The following HS6ST2 variants were observed in gnomAD, a reference collection of about 807,000 sequenced individuals.
HS6ST2 encodes the protein heparan-sulfate 6-O-sulfotransferase 2.
In HS6ST2, 17 loss-of-function variants were observed where a neutral mutation model predicts 33.0. That is an observed-to-expected ratio of 0.52 (90% confidence interval 0.35 to 0.77). HS6ST2 has a LOEUF of 0.77. Among genes scored for constraint, HS6ST2 ranks in the 30% least tolerant of loss-of-function variants. The probability of loss-of-function intolerance (pLI) is 0.01; values close to 1 mark genes in which losing one functional copy is unlikely to be tolerated. For synonymous variants in HS6ST2, 248 were observed against 237.1 expected (o/e 1.05, Z -0.42); for missense variants, 519 against 551.7 (o/e 0.94, Z 0.59).
At chrX:132,883,129 G>A (rs1304937482) in intron 2 of HS6ST2, among the ~76,000 whole-genome samples, 24 of 111,212 alleles carry the variant, frequency 2.2e-4, no homozygotes, top group African/African-American at 7.2e-4. Context: ...GTATCAGGAT[G>A]ATGTTGGCCT....
intron 2 of HS6ST2, among the ~76,000 whole-genome samples, chrX:132,897,971 C>T (rs1194407734): frequency 1.8e-5 from 2 of 111,555 alleles, no homozygotes; most frequent in Non-Finnish European, 1.9e-5. Flanking sequence ...TTGTTAGGAA[C>T]CAGGCTGCAC....
chrX:132,935,848 C>A (rs927882620), intron 2 of HS6ST2, among the ~76,000 whole-genome samples: 3 of 109,556 alleles, frequency 2.7e-5, no homozygotes, highest in African/African-American at 9.9e-5. Flanking sequence ...TGGGATGAAG[C>A]GATTTGAAAT....
In HS6ST2 at chrX:132,941,795, G is replaced by A. The variant is rs888918608; in HGVS notation, c.947+15013C>T. 4.5e-5 allele frequency among the ~76,000 whole-genome samples: 5 copies of A among 111,131 alleles called. No individual in the cohort carries two copies. In the South Asian group the frequency reaches 1.9e-3, roughly 43 times the overall value. On this transcript the variant is annotated intron_variant, in intron 2 of 4. Coordinates refer to ENST00000370833, the MANE Select transcript of HS6ST2 (RefSeq NM_001394073.1). Reference sequence around the variant, plus strand: ...TAGAATGCTATACTAATGCTAAAATGATCTCTTTTTTTTTTATTTGCTTAA... The same window carrying A: ...TAGAATGCTATACTAATGCTAAAATAATCTCTTTTTTTTTTATTTGCTTAA...
intron 2 of HS6ST2, among the ~76,000 whole-genome samples, chrX:132,800,548 TAA>T (rs901696096): frequency 9.0e-6 from 1 of 110,982 alleles, no homozygotes; most frequent in Non-Finnish European, 1.9e-5. Flanking sequence ...TCCCTGGTGC[TAA>T]AAAAGTCGAG....
At chrX:132,822,174 T>C (rs2065466805) in intron 2 of HS6ST2, among the ~76,000 whole-genome samples, 1 of 111,097 alleles carries the variant, frequency 9.0e-6, no homozygotes, top group Non-Finnish European at 1.9e-5. Context: ...AGTTAATAAG[T>C]GGTAAAGATG....
chrX:132,805,412 G>C (rs750051094), intron 2 of HS6ST2, among the ~76,000 whole-genome samples: 7 of 104,597 alleles, frequency 6.7e-5, no homozygotes, highest in Non-Finnish European at 1.3e-4. Context: ...TGGCCCAACA[G>C]CTCCTCTACA....
At chrX:132,861,115 T>C (rs1016110579) in intron 2 of HS6ST2, among the ~76,000 whole-genome samples, 4 of 111,455 alleles carry the variant, frequency 3.6e-5, no homozygotes, top group Non-Finnish European at 7.5e-5. Context: ...TCGACAGGAT[T>C]GAAATTTTAG....
chrX:132,866,820 C>A (rs1168218271), intron 2 of HS6ST2, among the ~76,000 whole-genome samples: 1 of 101,961 alleles, frequency 9.8e-6, no homozygotes, highest in African/African-American at 3.6e-5. Context: ...GATTTTTGTA[C>A]ATTGATTTTG....
chrX:132,782,777 G>A (rs1028422382), intron 2 of HS6ST2, among the ~76,000 whole-genome samples: 7 of 111,483 alleles, frequency 6.3e-5, no homozygotes, highest in East Asian at 2.8e-4. Context: ...CAATTCAAGA[G>A]AGAGAGAGAG....
At chrX:132,952,000 A>G (rs971244280) in intron 2 of HS6ST2, among the ~76,000 whole-genome samples, 1 of 112,203 alleles carries the variant, frequency 8.9e-6, no homozygotes, top group Non-Finnish European at 1.9e-5. Flanking sequence ...GTTTCACAAA[A>G]TCTTGCTTAA....
Position 132,851,006 on chromosome X carries a change from T to G in HS6ST2, c.947+105802A>C, listed in dbSNP as rs184920952. ...AGCTTCACAATTAATGGTCTATTTT[T>G]TGTAAAATTGAGAGGCATTAATCTA... On this transcript the variant is annotated intron_variant, in intron 2 of 4. Transcript: ENST00000370833. Among the ~76,000 whole-genome samples the G allele has an allele frequency of 6.2e-5, 7 of 112,171 alleles. No individual in the cohort carries two copies. In the East Asian group the frequency reaches 2.0e-3, roughly 31 times the overall value.
intron 4 of HS6ST2, among the ~76,000 whole-genome samples, chrX:132,637,826 T>TATTTTATATAATATATTATATATA (rs2063562628): frequency 5.6e-5 from 3 of 53,887 alleles, no homozygotes; most frequent in Non-Finnish European, 8.7e-5. Context: ...ATATATATAA[T>TATTTTATATAATATATTATATATA]ATTATATATA....
chrX:132,923,872 A>C (rs2066682196), intron 2 of HS6ST2, among the ~76,000 whole-genome samples: 1 of 112,267 alleles, frequency 8.9e-6, no homozygotes, highest in Admixed American at 9.5e-5. Context: ...CAATTAAAAA[A>C]ACAAATCTCT....
chrX:132,909,303 G>A (rs2066509043), intron 2 of HS6ST2, among the ~76,000 whole-genome samples: 1 of 112,562 alleles, frequency 8.9e-6, no homozygotes, highest in Non-Finnish European at 1.9e-5. Context: ...TTCCCAAAGT[G>A]AGTTGAACAC....
chrX:132,678,437 A>C (rs1268554868), intron 3 of HS6ST2, among the ~76,000 whole-genome samples: 1 of 112,474 alleles, frequency 8.9e-6, no homozygotes, highest in Non-Finnish European at 1.9e-5. Context: ...CTTCTGGGGT[A>C]GAAAGGAAAG....
intron 3 of HS6ST2, among the ~76,000 whole-genome samples, chrX:132,705,737 C>T (rs1462896184): frequency 9.0e-6 from 1 of 111,727 alleles, no homozygotes; most frequent in Non-Finnish European, 1.9e-5. Flanking sequence ...AGTAGCAGCG[C>T]CAGGATTGGA....
intron 4 of HS6ST2, among the ~76,000 whole-genome samples, chrX:132,666,295 G>A (rs2063808984): frequency 9.0e-6 from 1 of 111,442 alleles, no homozygotes; most frequent in Non-Finnish European, 1.9e-5. Context: ...TAAATACCAC[G>A]TTGTCATCCT....
chrX:132,913,292 A>G (rs767862205), intron 2 of HS6ST2, among the ~76,000 whole-genome samples: 1 of 112,412 alleles, frequency 8.9e-6, no homozygotes, highest in Non-Finnish European at 1.9e-5. Context: ...AGGAAGCAGC[A>G]GCAGGGCCAG....
At chrX:132,671,879 G>C (rs941972851) in intron 3 of HS6ST2, among the ~76,000 whole-genome samples, 1 of 111,898 alleles carries the variant, frequency 8.9e-6, no homozygotes, top group Admixed American at 9.5e-5. Context: ...CTGAAAGGGG[G>C]ATCAAGAAGA....
Sources: allele counts gnomAD v4.1 joint callset (sites outside exome capture counted in the v4.1 genomes callset), GRCh38; gene constraint gnomAD v4.1.1; transcripts MANE v1.5; gene names NCBI Gene and HGNC (gene_info 2026-07-23, HGNC 2026-07-21).